Variants in PSD3 observed in about 807,000 individuals in gnomAD.
PSD3 encodes the protein PH and SEC7 domain-containing protein 3.
In PSD3, 49 loss-of-function variants were observed where a neutral mutation model predicts 105.5. That is an observed-to-expected ratio of 0.46 (90% CI 0.37 to 0.59). The LOEUF is 0.59. PSD3 is among the 20% of genes least tolerant of loss of function. The pLI is 0.00. For missense variants in PSD3, 1,561 were observed against 1,263.8 expected (o/e 1.24, Z -3.57); for synonymous variants, 557 against 457.8 (o/e 1.22, Z -2.77).
intron 12 of PSD3, among the ~76,000 whole-genome samples, chr8:18,599,243 TCAG>T (rs1804257382): frequency 5.3e-5 from 8 of 152,034 alleles, no homozygotes; most frequent in Non-Finnish European, 2.9e-5. Context: ...AACACAGAGC[TCAG>T]ACAAATTCAA....
intron 1 of PSD3, among the ~76,000 whole-genome samples, chr8:18,937,521 G>A (rs990479714): frequency 1.3e-5 from 2 of 151,858 alleles, no homozygotes; most frequent in Non-Finnish European, 2.9e-5. Flanking sequence ...ACTGGAGACA[G>A]GTTCAGGGGG....
At position 18,872,128 on chromosome 8, in the gene PSD3, G is replaced by T. The variant is rs747670332; in HGVS notation, c.736C>A (p.Pro246Thr). 11 of 1,614,092 alleles carry T rather than the reference G, an allele frequency of 6.8e-6. No homozygotes were observed. The highest frequency in any genetic ancestry group is 6.7e-5 in the East Asian group (3 of 44,874). Reference protein sequence around the residue: ...GRKGAVCVQEPSCPLASLGSS... With the variant: ...GRKGAVCVQETSCPLASLGSS... Reference sequence around the variant, plus strand: ...CCGAGGGAGGCCAAAGGACAAGATGGCTCCTGCACACAGACAGCCCCTTTC... The same window carrying T: ...CCGAGGGAGGCCAAAGGACAAGATGTCTCCTGCACACAGACAGCCCCTTTC... The change falls in exon 3 of 16, where the codon CCA (proline) becomes ACA (threonine). Residue 246 changes from proline (P) to threonine (T), a missense_variant. Pro to Thr is a conservative substitution (Grantham distance 38). Transcript: ENST00000327040.
chr8:18,913,637 G>A (rs1820391382), intron 2 of PSD3, among the ~76,000 whole-genome samples: 1 of 152,092 alleles, frequency 6.6e-6, no homozygotes, highest in African/African-American at 2.4e-5. Context: ...CCCATCCCTA[G>A]GGACCCAGTC....
chr8:18,659,585 T>C (rs1809176283), intron 9 of PSD3, among the ~76,000 whole-genome samples: 1 of 152,256 alleles, frequency 6.6e-6, no homozygotes, highest in Admixed American at 6.5e-5. Context: ...GCATCGTATA[T>C]GCCTGGCCAA....
chr8:19,018,453 C>A (rs1299550228), upstream of PSD3, among the ~76,000 whole-genome samples: 2 of 151,824 alleles, frequency 1.3e-5, no homozygotes, highest in African/African-American at 2.4e-5. Context: ...TAGAATTTTA[C>A]ACTTAAAAGC....
At chr8:18,885,027 C>A (rs1818365326) in intron 2 of PSD3, among the ~76,000 whole-genome samples, 1 of 152,222 alleles carries the variant, frequency 6.6e-6, no homozygotes, top group African/African-American at 2.4e-5. Flanking sequence ...TTGAGCTCAT[C>A]TTTAAAATTG....
At chr8:18,818,236 T>A (rs1812389877) in intron 4 of PSD3, among the ~76,000 whole-genome samples, 1 of 152,212 alleles carries the variant, frequency 6.6e-6, no homozygotes, top group African/African-American at 2.4e-5. Flanking sequence ...ATTACAGACG[T>A]GAGCCACCGT....
chr8:18,989,131 T>C (rs547234402), intron 1 of PSD3: 3 of 152,356 alleles, frequency 2.0e-5, no homozygotes, highest in South Asian at 2.1e-4. Flanking sequence ...ACAAAGGCCA[T>C]GAATGTAAAA....
rs188797899 is a variant in PSD3 at position 18,872,714 on chromosome 8, A to G, written c.150T>C (p.Thr50=). 4.0e-4 allele frequency: 622 copies of G among 1,567,188 alleles called. 4 individuals carry two copies. The African/African-American group carries it at 7.8e-3, about 20-fold the overall frequency. ...CATTTGTGACATTTGGTGGGAGTAA[A>G]GTGCTTCCTCCATGATCACCTGTGA... is the stretch of plus-strand genomic sequence containing the variant. The part of the protein sequence containing the change: ...APDTSDHGGS[T]LLPPNVTNEF... Residue 50 remains threonine, a synonymous_variant, in exon 3 of 16, where the codon ACT becomes ACC. Coordinates refer to ENST00000327040, the MANE Select transcript of PSD3 (RefSeq NM_015310.4).
intron 11 of PSD3, among the ~76,000 whole-genome samples, chr8:18,626,468 A>G (rs2130739341): frequency 6.6e-6 from 1 of 152,286 alleles, no homozygotes; most frequent in Middle Eastern, 3.4e-3. Flanking sequence ...TAATCAAAGT[A>G]AGTATTTAGA....
chr8:18,530,442 T>C lies in PSD3; in HGVS notation c.*5301A>G, dbSNP rs1799588362. 6.6e-6 allele frequency: 1 copy of C among 152,590 alleles called. No individual in the cohort carries two copies. The highest frequency in any genetic ancestry group is 1.5e-5 in the Non-Finnish European group (1 of 68,046). The allele number at this position is 152,590 out of a possible 1,614,324, so 9.5% of individuals were successfully genotyped here. On this transcript the variant is annotated 3_prime_UTR_variant, in exon 16 of 16. Coordinates refer to ENST00000327040, the MANE Select transcript of PSD3 (RefSeq NM_015310.4). Reference sequence around the variant, plus strand: ...ATACTTTAGTGCTTGTGATATTTCTTCCAAGTCAAGCGAGTACGGATGCGG... The same window carrying C: ...ATACTTTAGTGCTTGTGATATTTCTCCCAAGTCAAGCGAGTACGGATGCGG...
chr8:19,060,220 G>C (rs914977653), intron 1 of PSD3, among the ~76,000 whole-genome samples: 1 of 152,130 alleles, frequency 6.6e-6, no homozygotes, highest in Admixed American at 6.5e-5. Context: ...CAGGTGACTA[G>C]AGGAAAATTG....
At chr8:18,688,297 A>G (rs770815768) in intron 9 of PSD3, among the ~76,000 whole-genome samples, 1 of 152,022 alleles carries the variant, frequency 6.6e-6, no homozygotes, top group Non-Finnish European at 1.5e-5. Context: ...GGGTCTTGCT[A>G]TGCTGTCCAG....
intron 9 of PSD3, among the ~76,000 whole-genome samples, chr8:18,710,215 C>G (rs745679488): frequency 4.6e-5 from 7 of 151,994 alleles, no homozygotes; most frequent in Non-Finnish European, 1.0e-4. Flanking sequence ...TATCAATAGC[C>G]AAACAGACCA....
intron 8 of PSD3, among the ~76,000 whole-genome samples, chr8:18,782,815 G>C (rs995433507): frequency 6.6e-6 from 1 of 152,200 alleles, no homozygotes; most frequent in Non-Finnish European, 1.5e-5. Flanking sequence ...AGGGCCTAGT[G>C]GCCATCACCG....
chr8:18,946,320 A>C (rs929560304), intron 1 of PSD3, among the ~76,000 whole-genome samples: 1 of 152,132 alleles, frequency 6.6e-6, no homozygotes, highest in Non-Finnish European at 1.5e-5. Context: ...CTCATGCTGT[A>C]ATCTCAATGG....
chr8:18,689,136 T>C (rs1800827406), intron 9 of PSD3, among the ~76,000 whole-genome samples: 1 of 152,116 alleles, frequency 6.6e-6, no homozygotes, highest in African/African-American at 2.4e-5. Flanking sequence ...ACCAGAGAAA[T>C]GAACTCAATA....
At chr8:19,007,467 T>C (rs906276388) in intron 1 of PSD3, among the ~76,000 whole-genome samples, 4 of 152,110 alleles carry the variant, frequency 2.6e-5, no homozygotes, top group African/African-American at 9.7e-5. Context: ...AGCTACTGAC[T>C]ATCTTATTGG....
rs540708475 is a variant in PSD3, at chr8:18,729,759, G to A, written c.2172+35690C>T. Among the ~76,000 whole-genome samples the A allele has an allele frequency of 2.0e-5, 3 of 152,230 alleles. No homozygotes were observed. The East Asian group carries it at 5.8e-4, about 29-fold the overall frequency. On this transcript the variant is annotated intron_variant, in intron 9 of 15. Transcript: ENST00000327040. ...GAGGCCACTGTGAGAAATTACAAAT[G>A]CCATTCTGGAGGAAAATCCTTCACA...
Sources: gnomAD v4.1 joint callset for allele counts (sites outside exome capture counted in the v4.1 genomes callset) on GRCh38, gnomAD v4.1.1 for gene constraint, MANE v1.5 for transcripts, NCBI Gene and HGNC (gene_info 2026-07-23, HGNC 2026-07-21) for gene names.